KIAA0825: variants seen among roughly 807,000 people sequenced by gnomAD.
KIAA0825 encodes KIAA0825.
Under a neutral mutation model 147.6 loss-of-function variants are expected in KIAA0825, and 119 were observed. That is an observed-to-expected ratio of 0.81 (90% CI 0.69 to 0.94). The LOEUF (loss-of-function observed/expected upper bound fraction) is 0.94, where lower values mean the gene tolerates loss of function less well. Among genes scored for constraint, KIAA0825 ranks in the 40% least tolerant of loss-of-function variants. The pLI, the probability that KIAA0825 is intolerant of heterozygous loss-of-function variation, is 0.00. For missense variants in KIAA0825, 1,381 were observed against 1,472.7 expected, an observed-to-expected ratio of 0.94 and a Z score of 1.02; for synonymous variants, 470 against 518.1, an observed-to-expected ratio of 0.91 and a Z score of 1.26.
intron 20 of KIAA0825, among the ~76,000 whole-genome samples, chr5:94,190,491 ATTTTT>A (rs70975895): frequency 1.0e-4 from 11 of 106,276 alleles, no homozygotes; most frequent in Non-Finnish European, 1.5e-4. Context: ...ACGCCCAGCT[ATTTTT>A]TTTTTTTTTT....
rs1584995840 is a variant in KIAA0825 at position 94,595,155 on chromosome 5, G to T, written c.-152-12572C>A. On this transcript the variant is annotated intron_variant, in intron 1 of 20. Coordinates refer to ENST00000682413, the MANE Select transcript of KIAA0825 (RefSeq NM_001145678.3). ...AGTTCCACTAGGTAGTCCCCCAGTG[G>T]GGACTCTGTGTGGGGGCTGCCACTC... Among the ~76,000 whole-genome samples, 4 of 152,158 alleles carry T rather than the reference G, an allele frequency of 2.6e-5. No individual in the cohort carries two copies. The South Asian group carries it at 8.3e-4, about 31-fold the overall frequency.
In KIAA0825 at chr5:94,157,509, C is replaced by T. The variant is rs143196824; in HGVS notation, c.3711-3385G>A. Among the ~76,000 whole-genome samples the T allele has an allele frequency of 2.3e-3, 349 of 152,292 alleles. 2 individuals carry two copies. Among genetic ancestry groups the T allele is most frequent in the African/African-American group, 8.1e-3 (338 of 41,556 alleles). On this transcript the variant is annotated intron_variant, in intron 20 of 20. Coordinates refer to ENST00000682413, the MANE Select transcript of KIAA0825 (RefSeq NM_001145678.3). ...CAGAATCAGCAGTTACAACTTTGCT[C>T]ATTTGTACCACTCTGATTGACTTGG...
intron 20 of KIAA0825, among the ~76,000 whole-genome samples, chr5:94,161,692 A>G (rs900555971): frequency 3.9e-5 from 6 of 152,088 alleles, no homozygotes; most frequent in Admixed American, 1.3e-4. Context: ...AGACTTCGTT[A>G]TCTGTAGCTT....
chr5:94,506,680 T>C (rs1266024453), intron 5 of KIAA0825, among the ~76,000 whole-genome samples: 1 of 152,212 alleles, frequency 6.6e-6, no homozygotes, highest in Non-Finnish European at 1.5e-5. Context: ...TTTAAAAATA[T>C]ATATTTACAA....
At chr5:94,235,324 A>G (rs1423033719) in intron 20 of KIAA0825, among the ~76,000 whole-genome samples, 1 of 152,256 alleles carries the variant, frequency 6.6e-6, no homozygotes, top group Non-Finnish European at 1.5e-5. Flanking sequence ...AAAAGGTTTT[A>G]CAGTCAGGTA....
chr5:94,538,767 G>T (rs955445165), intron 2 of KIAA0825, among the ~76,000 whole-genome samples: 1 of 152,158 alleles, frequency 6.6e-6, no homozygotes, highest in African/African-American at 2.4e-5. Context: ...GTCCTATAAC[G>T]CCAGAGCAGG....
At chr5:94,613,180 A>G (rs765700377) in intron 1 of KIAA0825, among the ~76,000 whole-genome samples, 30 of 152,246 alleles carry the variant, frequency 2.0e-4, no homozygotes, top group Admixed American at 5.2e-4. Context: ...GGGATGCACT[A>G]AAGTTTGACC....
chr5:94,263,206 A>T (rs1157047837), intron 20 of KIAA0825, among the ~76,000 whole-genome samples: 1 of 152,194 alleles, frequency 6.6e-6, no homozygotes, highest in Admixed American at 6.6e-5. Flanking sequence ...TGGTTTTCTA[A>T]ATCTAGATGT....
intron 20 of KIAA0825, among the ~76,000 whole-genome samples, chr5:94,350,589 A>G (rs1783547021): frequency 6.6e-6 from 1 of 152,244 alleles, no homozygotes; most frequent in Non-Finnish European, 1.5e-5. Context: ...ACCATGATCA[A>G]GTGGGTTTCA....
In KIAA0825 at chr5:94,520,352, T is replaced by C. The variant is rs1767933132; in HGVS notation, c.866A>G (p.Lys289Arg). 1.9e-6 allele frequency: 3 copies of C among 1,613,552 alleles called. No individual in the cohort carries two copies. The highest frequency in any genetic ancestry group is 2.5e-6 in the Non-Finnish European group (3 of 1,179,564). ...CAGCTCACAAAAATTTTCAAGAAAT[T>C]TTGCCATTTCTTCTGTAACAGTATC... The part of the protein sequence containing the change: ...YLDTVTEEMA[K>R]FLENFCELQF... The change falls in exon 5 of 21, where the codon AAA becomes AGA. Residue 289 changes from lysine (K) to arginine (R), a missense_variant. Lys to Arg is a conservative substitution (Grantham distance 26). Coordinates refer to ENST00000682413, the MANE Select transcript of KIAA0825 (RefSeq NM_001145678.3).
At chr5:94,447,259 G>A (rs1208279654) in intron 13 of KIAA0825, among the ~76,000 whole-genome samples, 1 of 151,880 alleles carries the variant, frequency 6.6e-6, no homozygotes, top group South Asian at 2.1e-4. Context: ...ATTTGGGGGG[G>A]CACACAAAGA....
intron 20 of KIAA0825, among the ~76,000 whole-genome samples, chr5:94,181,362 T>A (rs749585260): frequency 2.0e-5 from 3 of 152,196 alleles, no homozygotes; most frequent in Non-Finnish European, 4.4e-5. Flanking sequence ...TGGAAACCAG[T>A]GAAGCTGATT....
At position 94,454,239 on chromosome 5, in the gene KIAA0825, T is replaced by C. The variant is rs1451835326; in HGVS notation, c.2247-1170A>G. On this transcript the variant is annotated intron_variant, in intron 12 of 20. Transcript: ENST00000682413. Reference sequence around the variant, plus strand: ...GTAATGACTGGGAATACTTTAGAAATGGAATTTTTGAGGTAGTACCATCTC... The same window carrying C: ...GTAATGACTGGGAATACTTTAGAAACGGAATTTTTGAGGTAGTACCATCTC... Among the ~76,000 whole-genome samples, 4 of 152,288 alleles carry C rather than the reference T, an allele frequency of 2.6e-5. No individual in the cohort carries two copies. The East Asian group carries it at 7.7e-4, about 29-fold the overall frequency.
chr5:94,584,996 A>G (rs1460052145), intron 1 of KIAA0825, among the ~76,000 whole-genome samples: 2 of 152,172 alleles, frequency 1.3e-5, no homozygotes, highest in African/African-American at 4.8e-5. Context: ...ATGCTGAGAG[A>G]TTTTGTCACC....
intron 20 of KIAA0825, among the ~76,000 whole-genome samples, chr5:94,261,979 AAT>A (rs1374418667): frequency 1.3e-5 from 2 of 152,158 alleles, no homozygotes; most frequent in Non-Finnish European, 2.9e-5. Flanking sequence ...AATACTAATA[AAT>A]ATGAGTATAT....
chr5:94,292,565 C>T (rs1408903921), intron 20 of KIAA0825, among the ~76,000 whole-genome samples: 1 of 151,976 alleles, frequency 6.6e-6, no homozygotes, highest in African/African-American at 2.4e-5. Context: ...GGGATATTGG[C>T]CTGAAATTTT....
intron 20 of KIAA0825, among the ~76,000 whole-genome samples, chr5:94,280,404 T>G (rs1777406220): frequency 1.3e-5 from 2 of 152,114 alleles, no homozygotes; most frequent in Non-Finnish European, 1.5e-5. Flanking sequence ...TCTAATTTTT[T>G]ACATGGATCA....
intron 12 of KIAA0825, among the ~76,000 whole-genome samples, chr5:94,454,734 T>C (rs184565740): frequency 2.0e-5 from 3 of 152,224 alleles, no homozygotes; most frequent in African/African-American, 7.2e-5. Flanking sequence ...AAAATAACTT[T>C]AGCAGTAGTG....
intron 13 of KIAA0825, among the ~76,000 whole-genome samples, chr5:94,451,335 G>C (rs189061068): frequency 1.2e-4 from 19 of 152,172 alleles, no homozygotes; most frequent in Admixed American, 9.8e-4. Flanking sequence ...ATAATGTGCC[G>C]ATGGATATCT....
Sources: allele counts gnomAD v4.1 joint callset (sites outside exome capture counted in the v4.1 genomes callset), GRCh38; gene constraint gnomAD v4.1.1; transcripts MANE v1.5; gene names NCBI Gene and HGNC (gene_info 2026-07-23, HGNC 2026-07-21).